The following ZSCAN22 variants were observed in gnomAD, a reference collection of about 807,000 sequenced individuals.
ZSCAN22 encodes the protein zinc finger and SCAN domain-containing protein 22.
In ZSCAN22, 7 loss-of-function variants were observed where a neutral mutation model predicts 12.4. The observed-to-expected ratio is 0.57, with a 90% CI of 0.32 to 1.06. The LOEUF (loss-of-function observed/expected upper bound fraction) is 1.06. Ranked by LOEUF, ZSCAN22 falls within the 50% of genes least tolerant of loss-of-function variation. ZSCAN22 has a pLI of 0.04. For synonymous variants in ZSCAN22, 243 were observed against 255.9 expected, an observed-to-expected ratio of 0.95 and a Z score of 0.48; for missense variants, 576 against 631.7, an observed-to-expected ratio of 0.91 and a Z score of 0.94.
chr19:58,339,466 C>T lies in ZSCAN22; in HGVS notation c.*140C>T, dbSNP rs77539350. ...AATGATAGGTGCCTGAGGGCAGACT[C>T]GGGCTGTCTAGGAACCACTCTGCAT... On this transcript the variant is annotated 3_prime_UTR_variant, in exon 3 of 3. Transcript: ENST00000329665. The surrounding 1 kb of genome is among the most constrained non-coding windows in gnomAD (Gnocchi z 5.6). 1,761 of 803,572 alleles carry T rather than the reference C, an allele frequency of 2.2e-3. 17 individuals carry two copies. In the African/African-American group the frequency reaches 0.026, roughly 12 times the overall value. 49.8% of individuals were successfully genotyped at this position (803,572 alleles called of 1,614,324 possible). A position where few individuals can be genotyped will look rare whatever the true frequency, so the allele number is the denominator to read the frequency against.
rs1234417864 is a variant in ZSCAN22, at chr19:58,334,999, C to T, written c.197C>T (p.Ala66Val). Residue 66 changes from alanine (A) to valine (V), a missense_variant, in exon 2 of 3, where the codon GCC becomes GTC. Physicochemically the swap from Ala to Val is moderately conservative, Grantham distance 64. Transcript: ENST00000329665. Reference protein sequence around the residue: ...RYEEASGPHEALAHLRALCCQ... With the variant: ...RYEEASGPHEVLAHLRALCCQ... ...GAGGAGGCATCTGGTCCACACGAGG[C>T]CCTGGCCCACCTCCGAGCGCTGTGC... The T allele has an allele frequency of 3.1e-6, 5 of 1,614,084 alleles. No homozygotes were observed. The highest frequency in any genetic ancestry group is 4.2e-6 in the Non-Finnish European group (5 of 1,180,044).
Position 58,341,176 on chromosome 19 carries a change from G to A in ZSCAN22, c.*1850G>A, listed in dbSNP as rs1021782416. Reference sequence around the variant, plus strand: ...AGAGCAAGAATAATCTGATTTTCCTGGGGGCCAGCACCCAAATAAGCCTGG... The same window carrying A: ...AGAGCAAGAATAATCTGATTTTCCTAGGGGCCAGCACCCAAATAAGCCTGG... On this transcript the variant is annotated 3_prime_UTR_variant, in exon 3 of 3. Transcript: ENST00000329665. 3 of 152,260 alleles carry A rather than the reference G, an allele frequency of 2.0e-5. No individual in the cohort carries two copies. The highest frequency in any genetic ancestry group is 1.9e-4 in the East Asian group (1 of 5,178). 9.4% of individuals were successfully genotyped at this position (152,260 alleles called of 1,614,324 possible). A position where few individuals can be genotyped will look rare whatever the true frequency, so the allele number is the denominator to read the frequency against.
At chr19:58,330,884 G>A (rs777495902) in intron 1 of ZSCAN22, among the ~76,000 whole-genome samples, 4 of 152,152 alleles carry the variant, frequency 2.6e-5, no homozygotes, top group East Asian at 1.9e-4. Flanking sequence ...TGCCTTCCCC[G>A]TATTTGCATT....
intron 1 of ZSCAN22, 62 bp from the exon 2 acceptor site, chr19:58,334,690 C>A: frequency 8.0e-7 from 1 of 1,242,806 alleles, no homozygotes; most frequent in Non-Finnish European, 1.1e-6. Context: ...GTTTTCCCTG[C>A]TCTGTAGGCA....
Position 58,329,089 on chromosome 19 carries a change from TTTCAG to T in ZSCAN22, c.-52+1976_-52+1980del, listed in dbSNP as rs2051691079. ...CCCAGAGGAATCCGTCAGAGACGGA[TTTCAG>T]AACTCGAGAGCAGCAGGGGCGACAA... On this transcript the variant is annotated intron_variant, in intron 1 of 2. Coordinates refer to ENST00000329665, the MANE Select transcript of ZSCAN22 (RefSeq NM_181846.3). This position sits in a 1 kb window ranked among gnomAD's most constrained non-coding sequence, Gnocchi z 4.1. Among the ~76,000 whole-genome samples, 2 of 152,010 alleles carry T rather than the reference TTTCAG, an allele frequency of 1.3e-5. No individual in the cohort carries two copies. The highest frequency in any genetic ancestry group is 2.9e-5 in the Non-Finnish European group (2 of 67,996).
chr19:58,331,487 T>C, intron 1 of ZSCAN22, among the ~76,000 whole-genome samples: 1 of 150,422 alleles, frequency 6.6e-6, no homozygotes, highest in South Asian at 2.1e-4. Flanking sequence ...AGTGCTGGGA[T>C]TACAGGTGTG....
Position 58,329,560 on chromosome 19 carries a change from A to C in ZSCAN22, c.-52+2446A>C, listed in dbSNP as rs928808202. ...TAAGAGAAAACAAATTCACTGTGGG[A>C]AGTAGAGAATGTCAAGAAAAGTAAT... On this transcript the variant is annotated intron_variant, in intron 1 of 2. Coordinates refer to ENST00000329665, the MANE Select transcript of ZSCAN22 (RefSeq NM_181846.3). The surrounding 1 kb of genome is among the most constrained non-coding windows in gnomAD (Gnocchi z 4.1). Among the ~76,000 whole-genome samples the C allele has an allele frequency of 1.3e-5, 2 of 152,196 alleles. No homozygotes were observed. Among genetic ancestry groups the C allele is most frequent in the Admixed American group, 6.5e-5 (1 of 15,278 alleles).
chr19:58,339,085 C>T lies in ZSCAN22; in HGVS notation c.1235C>T (p.Ala412Val), dbSNP rs1278524365. The change falls in exon 3 of 3, where the codon GCG (alanine) becomes GTG (valine). Residue 412 changes from alanine (A) to valine (V), a missense_variant. Ala to Val is a moderately conservative substitution (Grantham distance 64). Transcript: ENST00000329665. The surrounding 1 kb of genome is among the most constrained non-coding windows in gnomAD (Gnocchi z 5.6). ...HTGEKPYKCD[A>V]CGRAFSDCSA... ...GGGGAGAAGCCCTACAAGTGTGACG[C>T]GTGTGGCCGAGCCTTCAGCGACTGC... The T allele has an allele frequency of 6.2e-6, 10 of 1,614,114 alleles. No individual in the cohort carries two copies. Among genetic ancestry groups the T allele is most frequent in the African/African-American group, 2.7e-5 (2 of 74,948 alleles).
At chr19:58,333,705 A>G (rs1039533558) in intron 1 of ZSCAN22, among the ~76,000 whole-genome samples, 1 of 152,156 alleles carries the variant, frequency 6.6e-6, no homozygotes, top group Non-Finnish European at 1.5e-5. Context: ...TTAGCCTCAC[A>G]TGGTGGTGCA....
Position 58,338,917 on chromosome 19 carries a change from A to G in ZSCAN22, c.1067A>G (p.Glu356Gly). The G allele has an allele frequency of 6.2e-7, 1 of 1,613,940 alleles. No homozygotes were observed. The highest frequency in any genetic ancestry group is 2.2e-5 in the East Asian group (1 of 44,840). The change falls in exon 3 of 3, where the codon GAA (glutamate) becomes GGA (glycine). Residue 356 changes from glutamate to glycine, a missense_variant. Physicochemically the swap from Glu to Gly is moderately conservative, Grantham distance 98. Transcript: ENST00000329665. The surrounding 1 kb of genome is among the most constrained non-coding windows in gnomAD (Gnocchi z 5.4). ...GGAGAGAAACCCTACAAATGTGGGG[A>G]ATGTGGTAAAACCTTCAGCCGCAGC... ...HTGEKPYKCG[E>G]CGKTFSRSTH...
chr19:58,332,816 C>G (rs532799831), intron 1 of ZSCAN22, among the ~76,000 whole-genome samples: 1 of 152,082 alleles, frequency 6.6e-6, no homozygotes, highest in Non-Finnish European at 1.5e-5. Context: ...TGGGTCTATA[C>G]GTAGGAGTAG....
intron 1 of ZSCAN22, among the ~76,000 whole-genome samples, chr19:58,332,793 T>G (rs937285265): frequency 6.6e-6 from 1 of 152,246 alleles, no homozygotes; most frequent in Non-Finnish European, 1.5e-5. Context: ...TGAGGACATA[T>G]ACTCATTTCT....
Position 58,339,266 on chromosome 19 carries a change from C to T in ZSCAN22, c.1416C>T (p.Ala472=). The part of the protein sequence containing the change: ...KPYKCSDCGK[A]FSRSSALMVH... ...ATAAGTGCAGCGACTGTGGGAAGGC[C>T]TTCAGTCGTAGCTCAGCCCTGATGG... is the stretch of plus-strand genomic sequence containing the variant. The change falls in exon 3 of 3, where the codon GCC becomes GCT. Residue 472 remains alanine, a synonymous_variant. Transcript: ENST00000329665. This position sits in a 1 kb window ranked among gnomAD's most constrained non-coding sequence, Gnocchi z 5.6. 6.2e-7 allele frequency: 1 copy of T among 1,614,164 alleles called. No homozygotes were observed. Among genetic ancestry groups the T allele is most frequent in the Non-Finnish European group, 8.5e-7 (1 of 1,180,012 alleles).
chr19:58,336,633 A>C (rs1376309024), intron 2 of ZSCAN22, among the ~76,000 whole-genome samples: 1 of 152,182 alleles, frequency 6.6e-6, no homozygotes, highest in Non-Finnish European at 1.5e-5. Context: ...CCACTAGCTA[A>C]CTGTGATCCT....
Position 58,338,349 on chromosome 19 carries a change from G to A in ZSCAN22, c.499G>A (p.Gly167Ser). Reference protein sequence around the residue: ...PSNVTETLMGGVSLGPAFVKA... With the variant: ...PSNVTETLMGSVSLGPAFVKA... ...AAATGTCACTGAGACCCTCATGGGA[G>A]GTGTTTCCCTTGGACCCGCCTTTGT... Residue 167 changes from glycine (G) to serine (S), a missense_variant, in exon 3 of 3, where the codon GGT becomes AGT. Physicochemically the swap from Gly to Ser is moderately conservative, Grantham distance 56 (BLOSUM62 0). Transcript: ENST00000329665. This position sits in a 1 kb window ranked among gnomAD's most constrained non-coding sequence, Gnocchi z 5.4. 5 of 1,614,160 alleles carry A rather than the reference G, an allele frequency of 3.1e-6. No homozygotes were observed. Among genetic ancestry groups the A allele is most frequent in the Non-Finnish European group, 8.5e-7 (1 of 1,180,016 alleles).
rs1158808003 is a variant in ZSCAN22 at position 58,339,467 on chromosome 19, G to A, written c.*141G>A. 7 of 774,756 alleles carry A rather than the reference G, an allele frequency of 9.0e-6. No individual in the cohort carries two copies. The highest frequency in any genetic ancestry group is 1.4e-5 in the Non-Finnish European group (7 of 497,016). 48.0% of individuals were successfully genotyped at this position (774,756 alleles called of 1,614,324 possible). A position where few individuals can be genotyped will look rare whatever the true frequency, so the allele number is the denominator to read the frequency against. ...ATGATAGGTGCCTGAGGGCAGACTC[G>A]GGCTGTCTAGGAACCACTCTGCATT... On this transcript the variant is annotated 3_prime_UTR_variant, in exon 3 of 3. Transcript: ENST00000329665. The surrounding 1 kb of genome is among the most constrained non-coding windows in gnomAD (Gnocchi z 5.6).
intron 1 of ZSCAN22, among the ~76,000 whole-genome samples, chr19:58,334,312 TTTTG>T (rs1272058054): frequency 7.2e-5 from 11 of 152,226 alleles, no homozygotes; most frequent in African/African-American, 1.7e-4. Flanking sequence ...GTTGTAAGTT[TTTTG>T]TTTGTTTGTT....
chr19:58,328,331 A>G (rs551708389), intron 1 of ZSCAN22, among the ~76,000 whole-genome samples: 28 of 152,312 alleles, frequency 1.8e-4, no homozygotes, highest in African/African-American at 6.5e-4. Context: ...CAAGCATATG[A>G]GAGAGGATTT....
chr19:58,335,723 G>A lies in ZSCAN22; in HGVS notation c.403+518G>A, dbSNP rs1393698907. On this transcript the variant is annotated intron_variant, in intron 2 of 2. Coordinates refer to ENST00000329665, the MANE Select transcript of ZSCAN22 (RefSeq NM_181846.3). The surrounding 1 kb of genome is among the most constrained non-coding windows in gnomAD (Gnocchi z 4.1). ...GTGAGCAACTGGCTGTTTCTCAGAG[G>A]AAACCAGACGAGGGCCTGGGTGCCT... Among the ~76,000 whole-genome samples the A allele has an allele frequency of 5.3e-5, 8 of 152,214 alleles. No individual in the cohort carries two copies. Among genetic ancestry groups the A allele is most frequent in the Non-Finnish European group, 1.2e-4 (8 of 68,042 alleles).
Sources: allele counts gnomAD v4.1 joint callset (sites outside exome capture counted in the v4.1 genomes callset), GRCh38; gene constraint gnomAD v4.1.1; non-coding constraint Gnocchi (gnomAD v3.1); transcripts MANE v1.5; gene names NCBI Gene and HGNC (gene_info 2026-07-23, HGNC 2026-07-21).